ERBB3: variants seen among roughly 807,000 people sequenced by gnomAD.
The protein encoded by ERBB3 is receptor tyrosine-protein kinase erbB-3.
In ERBB3, 96 loss-of-function variants were observed where a neutral mutation model predicts 156.7. The observed-to-expected ratio is 0.61, with a 90% CI of 0.52 to 0.73. The LOEUF (loss-of-function observed/expected upper bound fraction) is 0.73. ERBB3 is among the 30% of genes least tolerant of loss of function. ERBB3 has a pLI of 0.00. For missense variants in ERBB3, 1,406 were observed against 1,709.4 expected (o/e 0.82, Z 3.13); for synonymous variants, 567 against 632.0 (o/e 0.90, Z 1.54).
chr12:56,101,095 C>T lies in ERBB3; in HGVS notation c.3236C>T (p.Pro1079Leu), dbSNP rs1232512597. 17 of 1,613,936 alleles carry T rather than the reference C, an allele frequency of 1.1e-5. No homozygotes were observed. In the Admixed American group the frequency reaches 2.7e-4, roughly 25 times the overall value. ...SAVSGSSERCPRPVSLHPMPR... is the reference protein window; with the variant it reads ...SAVSGSSERCLRPVSLHPMPR... ...GTTTCTGGGAGCAGTGAACGGTGCC[C>T]CCGTCCAGTCTCTCTACACCCAATG... Residue 1079 changes from proline (P) to leucine (L), a missense_variant, in exon 27 of 28, where the codon CCC becomes CTC. Transcript: ENST00000267101.
At chr12:56,083,251 C>T (rs999018823) in intron 1 of ERBB3, 1 of 231,296 alleles carries the variant, frequency 4.3e-6, no homozygotes, top group African/African-American at 2.3e-5. Flanking sequence ...CAGGCACTGC[C>T]CCCACCCTCT....
chr12:56,101,889 G>A lies in ERBB3; in HGVS notation c.3863G>A (p.Gly1288Glu). The stretch of plus-strand genomic sequence containing the variant: ...GGGGCCTGCCCAGCATCTGAGCAAG[G>A]GTATGAAGAGATGAGAGCTTTTCAG... ...AMGACPASEQ[G>E]YEEMRAFQGP... Residue 1288 changes from glycine to glutamate, a missense_variant, in exon 28 of 28, where the codon GGG (glycine) becomes GAG (glutamate). This residue lies in a region of ERBB3 where 415 missense variants were observed against 454.1 expected (regional missense o/e 0.91). Coordinates refer to ENST00000267101, the MANE Select transcript of ERBB3 (RefSeq NM_001982.4). 6.2e-7 allele frequency: 1 copy of A among 1,613,442 alleles called. No homozygotes were observed. Among genetic ancestry groups the A allele is most frequent in the South Asian group, 1.1e-5 (1 of 91,028 alleles).
At chr12:56,083,547 TG>T in intron 1 of ERBB3, 1 of 614,352 alleles carries the variant, frequency 1.6e-6, no homozygotes, top group South Asian at 1.8e-5. Flanking sequence ...ATTCATGGAA[TG>T]GTAAGGGGAT....
Position 56,097,208 on chromosome 12 carries a change from A to G in ERBB3, c.2438A>G (p.Asn813Ser). 2.5e-6 allele frequency: 4 copies of G among 1,614,138 alleles called. No individual in the cohort carries two copies. Among genetic ancestry groups the G allele is most frequent in the South Asian group, 1.1e-5 (1 of 91,088 alleles). ...RGALGPQLLL[N>S]WGVQIAKGMY... ...GCACTGGGGCCACAGCTGCTGCTCA[A>G]CTGGGGAGTACAAATTGCCAAGGTG... is the stretch of plus-strand genomic sequence containing the variant. The change falls in exon 20 of 28, where the codon AAC becomes AGC. Residue 813 changes from asparagine to serine, a missense_variant. This residue lies in a region of ERBB3 where 979 missense variants were observed against 1,219.6 expected (regional missense o/e 0.80). Transcript: ENST00000267101.
rs1370680217 is a variant in ERBB3 at position 56,102,816 on chromosome 12, A to AC, written c.*761_*762insC. On this transcript the variant is annotated 3_prime_UTR_variant, in exon 28 of 28. Transcript: ENST00000267101. ...AGACCCCCATCTCTTTAAAAAAAAA[A>AC]AAAAAAAAAAAAAAAAAACTTTAGA... 5.3e-5 allele frequency: 11 copies of AC among 208,950 alleles called. No homozygotes were observed. Among genetic ancestry groups the AC allele is most frequent in the African/African-American group, 1.4e-4 (6 of 43,514 alleles). 12.9% of individuals were successfully genotyped at this position (208,950 alleles called of 1,614,324 possible). A position where few individuals can be genotyped will look rare whatever the true frequency, so the allele number is the denominator to read the frequency against.
intron 3 of ERBB3, chr12:56,085,540 T>G: frequency 1.2e-6 from 1 of 826,246 alleles, no homozygotes; most frequent in Non-Finnish European, 1.6e-6. Context: ...AGATCAGGAG[T>G]TTGAGACCAG....
rs1286520013 is a variant in ERBB3, at chr12:56,096,589, G to T, written c.2142G>T (p.Val714=). The T allele has an allele frequency of 6.2e-7, 1 of 1,614,212 alleles. No homozygotes were observed. The highest frequency in any genetic ancestry group is 2.2e-5 in the East Asian group (1 of 44,882). ...FKETELRKLK[V]LGSGVFGTVH... ...AGACAGAGCTAAGGAAGCTTAAAGT[G>T]CTTGGCTCGGGTGTCTTTGGAACTG... The change falls in exon 18 of 28, where the codon GTG becomes GTT. Residue 714 remains valine, a synonymous_variant. Transcript: ENST00000267101.
At chr12:56,092,700 T>G in intron 9 of ERBB3, 47 bp from the exon 10 acceptor site, 516 of 1,350,184 alleles carry the variant, frequency 3.8e-4, no homozygotes, top group Non-Finnish European at 5.0e-4. Flanking sequence ...TCATTGCCAT[T>G]GAGTTATACC....
At position 56,080,419 on chromosome 12, in the gene ERBB3, GGGAGCC is replaced by G. The variant is rs753070680; in HGVS notation, c.82+41_82+46del. On this transcript the variant is annotated intron_variant, in intron 1 of 27. Transcript: ENST00000267101. ...GAGAGCACCGGCGGGCTCGGCACCT[GGGAGCC>G]GGAACCCAGTGCGCGCAGCCTCGGA... 28 of 1,513,254 alleles carry G rather than the reference GGGAGCC, an allele frequency of 1.9e-5. No homozygotes were observed. The African/African-American group carries it at 2.9e-4, about 16-fold the overall frequency. 93.7% of individuals were successfully genotyped at this position (1,513,254 alleles called of 1,614,324 possible). A position where few individuals can be genotyped will look rare whatever the true frequency, so the allele number is the denominator to read the frequency against.
intron 2 of ERBB3, 39 bp from the exon 3 acceptor site, chr12:56,084,956 C>T: frequency 6.2e-7 from 1 of 1,613,552 alleles, no homozygotes; most frequent in South Asian, 1.1e-5. Context: ...TTATTTTGCC[C>T]TGTTGTCTCT....
intron 9 of ERBB3, among the ~76,000 whole-genome samples, chr12:56,092,020 G>C (rs1048159395): frequency 6.7e-6 from 1 of 149,980 alleles, no homozygotes; most frequent in Non-Finnish European, 1.5e-5. Flanking sequence ...GTTACAGTGA[G>C]CTATGATGGC....
chr12:56,098,639 C>T, intron 22 of ERBB3, 64 bp downstream of exon 22: 4 of 1,574,620 alleles, frequency 2.5e-6, no homozygotes, highest in Non-Finnish European at 3.5e-6. Flanking sequence ...CCTTTTGAGA[C>T]CCCCTCTTAG....
chr12:56,081,542 G>A (rs1471771429), intron 1 of ERBB3, among the ~76,000 whole-genome samples: 2 of 152,182 alleles, frequency 1.3e-5, no homozygotes, highest in Non-Finnish European at 2.9e-5. Flanking sequence ...AGCTGGTGGA[G>A]GGGGGTGGTC....
chr12:56,091,302 T>TATAAATA (rs1868687139), intron 9 of ERBB3, among the ~76,000 whole-genome samples: 1 of 85,788 alleles, frequency 1.2e-5, no homozygotes, highest in African/African-American at 4.7e-5. Context: ...ATATAAATAA[T>TATAAATA]ATATATAAAT....
At chr12:56,080,496 C>A in intron 1 of ERBB3, 114 bp downstream of exon 1, 1 of 847,006 alleles carries the variant, frequency 1.2e-6, no homozygotes. Context: ...GGGTGCTGCC[C>A]CCGGTTTGCC....
Position 56,098,490 on chromosome 12 carries a change from T to C in ERBB3, c.2617-10T>C. 2 of 1,596,548 alleles carry C rather than the reference T, an allele frequency of 1.3e-6. No individual in the cohort carries two copies. Among genetic ancestry groups the C allele is most frequent in the Non-Finnish European group, 1.7e-6 (2 of 1,163,984 alleles). On this transcript the variant is annotated splice_polypyrimidine_tract_variant and intron_variant, in intron 21 of 27. Transcript: ENST00000267101. ...AATAAACTTGTGATACCTCTATCTT[T>C]AATCCGCAGACTCCAATTAAGTGGA...
chr12:56,096,185 G>T, intron 17 of ERBB3: 1 of 515,828 alleles, frequency 1.9e-6, no homozygotes, highest in Non-Finnish European at 3.5e-6. Context: ...GCTTTGGAAA[G>T]CACAGAGCAC....
chr12:56,084,843 C>T lies in ERBB3; in HGVS notation c.235-152C>T, dbSNP rs542106370. On this transcript the variant is annotated intron_variant, in intron 2 of 27. Coordinates refer to ENST00000267101, the MANE Select transcript of ERBB3 (RefSeq NM_001982.4). ...AGCCTGGGCAACAAGAGCGTAACTC[C>T]GTCTCAAATTTTAAAAAAAAGAAAA... 2.3e-5 allele frequency: 29 copies of T among 1,286,000 alleles called. 1 individual carries two copies. The South Asian group carries it at 2.9e-4, about 13-fold the overall frequency. 79.7% of individuals were successfully genotyped at this position (1,286,000 alleles called of 1,614,324 possible).
At chr12:56,090,470 C>G (rs1868642758) in intron 9 of ERBB3, among the ~76,000 whole-genome samples, 1 of 152,050 alleles carries the variant, frequency 6.6e-6, no homozygotes, top group South Asian at 2.1e-4. Context: ...ATGGTGAAAC[C>G]TCATCTCTAC....
Sources: allele counts gnomAD v4.1 joint callset (sites outside exome capture counted in the v4.1 genomes callset), GRCh38; gene constraint gnomAD v4.1.1; regional missense constraint gnomAD v4.1.1; transcripts MANE v1.5; gene names NCBI Gene and HGNC (gene_info 2026-07-23, HGNC 2026-07-21).